Variants in MIGA1 observed in about 807,000 individuals in gnomAD.
The protein encoded by MIGA1 is mitoguardin 1, also known as family with sequence similarity 73, member A.
In MIGA1, 58 loss-of-function variants were observed where a neutral mutation model predicts 82.0. That is an observed-to-expected ratio of 0.71 (90% confidence interval 0.57 to 0.88). MIGA1 has a LOEUF of 0.88. Among genes scored for constraint, MIGA1 ranks in the 40% least tolerant of loss-of-function variants. MIGA1 has a pLI of 0.00. For missense variants in MIGA1, 751 were observed against 749.1 expected, an observed-to-expected ratio of 1.00 and a Z score of -0.03; for synonymous variants, 249 against 253.6, an observed-to-expected ratio of 0.98 and a Z score of 0.17.
intron 7 of MIGA1, among the ~76,000 whole-genome samples, chr1:77,834,422 C>T (rs1301446686): frequency 6.6e-6 from 1 of 152,106 alleles, no homozygotes. Flanking sequence ...GTGGTCCTCC[C>T]GCCTCAGCCT....
At chr1:77,792,576 A>T (rs1682471942) in intron 2 of MIGA1, among the ~76,000 whole-genome samples, 1 of 152,204 alleles carries the variant, frequency 6.6e-6, no homozygotes, top group South Asian at 2.1e-4. Flanking sequence ...GGATAAAAAA[A>T]GTTTTAAAAT....
At chr1:77,808,166 A>C (rs1359969267) in intron 5 of MIGA1, among the ~76,000 whole-genome samples, 1 of 142,576 alleles carries the variant, frequency 7.0e-6, no homozygotes, top group African/African-American at 2.6e-5. Flanking sequence ...TCTAAGTTTT[A>C]GGGTACATGT....
Position 77,874,881 on chromosome 1 carries a change from CTT to C in MIGA1, c.1718_1719del (p.Phe573Ter). ...TTTTATTTCTCAAAGACATTTTTGA[CTT>C]TGAGAAGGTGCGCTATTCAAGTACA... On this transcript the variant is annotated frameshift_variant, in exon 16 of 16. Transcript: ENST00000370791. LOFTEE classifies it high-confidence loss of function. 6.2e-7 allele frequency: 1 copy of C among 1,613,882 alleles called. No individual in the cohort carries two copies. Among genetic ancestry groups the C allele is most frequent in the Non-Finnish European group, 8.5e-7 (1 of 1,179,910 alleles).
intron 14 of MIGA1, among the ~76,000 whole-genome samples, chr1:77,867,370 G>A (rs185803275): frequency 2.1e-4 from 32 of 152,308 alleles, no homozygotes; most frequent in African/African-American, 7.2e-4. Flanking sequence ...TGTCATTCAG[G>A]CTGGAGTGCC....
chr1:77,854,189 C>T (rs1396755243), intron 8 of MIGA1, among the ~76,000 whole-genome samples: 1 of 152,200 alleles, frequency 6.6e-6, no homozygotes, highest in African/African-American at 2.4e-5. Context: ...AGTCTCCAGT[C>T]TCATCCAGGT....
At chr1:77,817,870 T>C (rs1683631039) in intron 7 of MIGA1, among the ~76,000 whole-genome samples, 1 of 152,142 alleles carries the variant, frequency 6.6e-6, no homozygotes, top group African/African-American at 2.4e-5. Context: ...CAGTGAATAC[T>C]TCATTGTTTT....
At chr1:77,862,486 C>T (rs1041288107) in intron 12 of MIGA1, among the ~76,000 whole-genome samples, 3 of 151,954 alleles carry the variant, frequency 2.0e-5, no homozygotes, top group Admixed American at 2.0e-4. Flanking sequence ...GGCATGGTGG[C>T]TCACGCCTGT....
At chr1:77,839,936 T>C in intron 7 of MIGA1, among the ~76,000 whole-genome samples, 1 of 152,154 alleles carries the variant, frequency 6.6e-6, no homozygotes, top group East Asian at 1.9e-4. Flanking sequence ...TTTTGTCATA[T>C]TGCCCAGGCT....
At chr1:77,848,065 GA>G (rs936013560) in intron 8 of MIGA1, 18 of 1,290,166 alleles carry the variant, frequency 1.4e-5, no homozygotes, top group Non-Finnish European at 1.9e-5. Flanking sequence ...CGAACATCGA[GA>G]GGACACGAGA....
intron 5 of MIGA1, 138 bp from the exon 6 acceptor site, chr1:77,813,596 A>T (rs1261452948): frequency 1.1e-6 from 1 of 928,662 alleles, no homozygotes; most frequent in East Asian, 2.6e-5. Flanking sequence ...AGATTCTGTC[A>T]TGAAATGATG....
intron 2 of MIGA1, among the ~76,000 whole-genome samples, chr1:77,795,109 G>T (rs913702462): frequency 1.3e-5 from 2 of 151,690 alleles, no homozygotes; most frequent in Admixed American, 6.6e-5. Flanking sequence ...GACTACAGGC[G>T]CATGCCACCA....
Position 77,878,876 on chromosome 1 carries a change from A to G in MIGA1, c.*3812A>G, listed in dbSNP as rs1646915033. ...TCTTTCTCATAAAGTAATATTCTTT[A>G]TTTGCATCCATTTACTATGATTCCG... is the stretch of plus-strand genomic sequence containing the variant. On this transcript the variant is annotated 3_prime_UTR_variant, in exon 16 of 16. Coordinates refer to ENST00000370791, the MANE Select transcript of MIGA1 (RefSeq NM_198549.4). The G allele has an allele frequency of 2.8e-6, 1 of 358,096 alleles. No individual in the cohort carries two copies. Among genetic ancestry groups the G allele is most frequent in the Non-Finnish European group, 5.0e-6 (1 of 198,802 alleles). 22.2% of individuals were successfully genotyped at this position (358,096 alleles called of 1,614,324 possible).
chr1:77,834,576 G>A (rs1291913556), intron 7 of MIGA1, among the ~76,000 whole-genome samples: 4 of 152,192 alleles, frequency 2.6e-5, no homozygotes, highest in Non-Finnish European at 4.4e-5. Context: ...AACTGTCTTA[G>A]TTTTTCACTT....
At position 77,879,390 on chromosome 1, in the gene MIGA1, T is replaced by C. The variant is rs570863541; in HGVS notation, c.*4326T>C. The C allele has an allele frequency of 6.6e-6, 1 of 152,300 alleles. No homozygotes were observed. Among genetic ancestry groups the C allele is most frequent in the East Asian group, 1.9e-4 (1 of 5,194 alleles). The allele number at this position is 152,300 out of a possible 1,614,324, so 9.4% of individuals were successfully genotyped here. A position where few individuals can be genotyped will look rare whatever the true frequency, so the allele number is the denominator to read the frequency against. On this transcript the variant is annotated 3_prime_UTR_variant, in exon 16 of 16. Transcript: ENST00000370791. ...TTTACTTAGCTGATGTCAGTAAATG[T>C]TTCTGTCTCCTAAATGTAAGGACTG...
rs59328443 is a variant in MIGA1 at position 77,820,106 on chromosome 1, C to CT, written c.895+4893dup. On this transcript the variant is annotated intron_variant, in intron 7 of 15. Transcript: ENST00000370791. The stretch of plus-strand genomic sequence containing the variant: ...GGTGGTGGTATGCTTTTGTGTAGAT[C>CT]TTTTTTTTTTTTTTTTTTAATTTTT... 4.5e-3 allele frequency among the ~76,000 whole-genome samples: 580 copies of CT among 127,900 alleles called. 4 individuals carry two copies. The highest frequency in any genetic ancestry group is 0.038 in the South Asian group (145 of 3,830). The allele number at this position is 127,900 out of a possible 152,430, so 83.9% of individuals were successfully genotyped here.
At chr1:77,795,608 A>G (rs1682619505) in intron 2 of MIGA1, among the ~76,000 whole-genome samples, 2 of 149,814 alleles carry the variant, frequency 1.3e-5, no homozygotes, top group Non-Finnish European at 3.0e-5. Context: ...GTGAGCCACC[A>G]TGCTGGGCCT....
intron 1 of MIGA1, 60 bp downstream of exon 1, chr1:77,779,796 C>A: frequency 6.7e-7 from 1 of 1,502,652 alleles, no homozygotes; most frequent in Non-Finnish European, 8.9e-7. Context: ...GAGAGTTGAG[C>A]GGCCACGCAG....
chr1:77,803,390 C>T lies in MIGA1; in HGVS notation c.494C>T (p.Ala165Val). 1 of 1,543,806 alleles carries T rather than the reference C, an allele frequency of 6.5e-7. No homozygotes were observed. Among genetic ancestry groups the T allele is most frequent in the Non-Finnish European group, 8.7e-7 (1 of 1,145,072 alleles). Residue 165 changes from alanine (A) to valine (V), a missense_variant, in exon 4 of 16, where the codon GCA becomes GTA. Coordinates refer to ENST00000370791, the MANE Select transcript of MIGA1 (RefSeq NM_198549.4). ...CTTTTCAGTAAATATTCAGGTTCTG[C>T]ACAGAGTTTGGCCTCTGTAAGTACA...
intron 2 of MIGA1, among the ~76,000 whole-genome samples, chr1:77,785,270 C>T (rs543348197): frequency 2.0e-5 from 3 of 152,102 alleles, no homozygotes; most frequent in Admixed American, 1.3e-4. Context: ...ATGGCTATTC[C>T]GAATGGGAAA....
Sources: gnomAD v4.1 joint callset for allele counts (sites outside exome capture counted in the v4.1 genomes callset) on GRCh38, gnomAD v4.1.1 for gene constraint, MANE v1.5 for transcripts, NCBI Gene and HGNC (gene_info 2026-07-23, HGNC 2026-07-21) for gene names.